The following AHI1 variants were observed in gnomAD, a reference collection of about 807,000 sequenced individuals.
AHI1 encodes the protein Abelson helper integration site 1.
Under a neutral mutation model 149.3 loss-of-function variants are expected in AHI1, and 123 were observed. That is an observed-to-expected ratio of 0.82 (90% CI 0.71 to 0.96). The LOEUF (loss-of-function observed/expected upper bound fraction) is 0.96, where lower values mean the gene tolerates loss of function less well. Among genes scored for constraint, AHI1 ranks in the 40% least tolerant of loss-of-function variants. The pLI is 0.00. For missense variants in AHI1, 1,439 were observed against 1,422.7 expected, an observed-to-expected ratio of 1.01 and a Z score of -0.18; for synonymous variants, 475 against 459.8, an observed-to-expected ratio of 1.03 and a Z score of -0.42.
At chr6:135,376,685 C>T (rs1329810354) in intron 23 of AHI1, among the ~76,000 whole-genome samples, 1 of 151,632 alleles carries the variant, frequency 6.6e-6, no homozygotes, top group East Asian at 1.9e-4. Context: ...AGTTCGAGAC[C>T]AGCCTGACCA....
intron 26 of AHI1, 45 bp downstream of exon 26, chr6:135,318,474 G>GA: frequency 8.3e-7 from 1 of 1,205,854 alleles, no homozygotes; most frequent in Non-Finnish European, 1.2e-6. Context: ...CAGAGAGAGT[G>GA]AAAATCAAAG....
chr6:135,336,014 G>A (rs1789317324), intron 24 of AHI1, among the ~76,000 whole-genome samples: 1 of 150,932 alleles, frequency 6.6e-6, no homozygotes, highest in Admixed American at 6.6e-5. Flanking sequence ...TCAGGAGGCT[G>A]AGGCAGGAGA....
At chr6:135,437,736 AGTGAT>A (rs1785625330) in intron 15 of AHI1, among the ~76,000 whole-genome samples, 1 of 152,226 alleles carries the variant, frequency 6.6e-6, no homozygotes. Flanking sequence ...AATCAAATTA[AGTGAT>A]GTATCTAAAA....
At chr6:135,488,617 G>A (rs545882885) in intron 5 of AHI1, among the ~76,000 whole-genome samples, 114 of 152,236 alleles carry the variant, frequency 7.5e-4, no homozygotes, top group Middle Eastern at 3.4e-3. Flanking sequence ...ATTAACATGA[G>A]ATTTAGAAAT....
intron 15 of AHI1, among the ~76,000 whole-genome samples, 154 bp from the exon 16 acceptor site, chr6:135,433,410 T>C (rs1317621541): frequency 6.6e-6 from 1 of 152,162 alleles, no homozygotes; most frequent in Non-Finnish European, 1.5e-5. Flanking sequence ...AATATAATGA[T>C]GATCTCATAT....
At chr6:135,384,360 C>T (rs987908606) in intron 23 of AHI1, among the ~76,000 whole-genome samples, 17 of 152,178 alleles carry the variant, frequency 1.1e-4, no homozygotes, top group Non-Finnish European at 2.9e-5. Context: ...TAAAACCTTT[C>T]ACTTGTAGTA....
In AHI1 at chr6:135,404,879, A is replaced by G. The variant is rs944204046; in HGVS notation, c.2988+72T>C. ...CTTATAAAGGTTCCAAACTCTATGAATGGTGCATTCCAGTTCTTTGGAGCA... is the reference window on the plus strand; with the variant it reads ...CTTATAAAGGTTCCAAACTCTATGAGTGGTGCATTCCAGTTCTTTGGAGCA... On this transcript the variant is annotated intron_variant, in intron 22 of 28. Transcript: ENST00000265602. 8 of 1,366,646 alleles carry G rather than the reference A, an allele frequency of 5.9e-6. No individual in the cohort carries two copies. In the African/African-American group the frequency reaches 1.1e-4, roughly 20 times the overall value. 84.7% of individuals were successfully genotyped at this position (1,366,646 alleles called of 1,614,324 possible). A position where few individuals can be genotyped will look rare whatever the true frequency, so the allele number is the denominator to read the frequency against.
chr6:135,329,128 G>A (rs2179780), intron 24 of AHI1, among the ~76,000 whole-genome samples: 69,552 of 152,128 alleles, frequency 0.46, 17,464 homozygotes, highest in Middle Eastern at 0.61. Flanking sequence ...TGCAAGTGCT[G>A]AGGTACAAGC....
intron 23 of AHI1, among the ~76,000 whole-genome samples, chr6:135,379,946 C>T (rs1187547566): frequency 8.9e-6 from 1 of 112,606 alleles, no homozygotes; most frequent in Non-Finnish European, 1.9e-5. Flanking sequence ...AACTCCCTCC[C>T]TCCTTCCCCT....
In AHI1 at chr6:135,466,350, A is replaced by C. The variant is rs1198374498; in HGVS notation, c.213T>G (p.Leu71=). The change falls in exon 7 of 29, where the codon CTT becomes CTG. Residue 71 remains leucine, a synonymous_variant. Transcript: ENST00000265602. ...CACTTGTAGTTTCTTTAATATGGGG[A>C]AGATTGCTTCTAATAGTGTCGGGCT... ...SDDPDTIRSN[L]PHIKETTSDD... is the part of the protein sequence containing the mutation. The C allele has an allele frequency of 6.2e-7, 1 of 1,613,766 alleles. No homozygotes were observed. The highest frequency in any genetic ancestry group is 1.3e-5 in the African/African-American group (1 of 75,024).
Position 135,470,796 on chromosome 6 carries a change from G to C in AHI1, c.136-3162C>G, listed in dbSNP as rs566002102. The stretch of plus-strand genomic sequence containing the variant: ...ACACTGGGGCCTGTCAGGGAGTTTG[G>C]GGGAGGGAGAGCATCAGGATAAATA... On this transcript the variant is annotated intron_variant, in intron 5 of 28. Transcript: ENST00000265602. Among the ~76,000 whole-genome samples the C allele has an allele frequency of 3.8e-4, 58 of 152,000 alleles. 1 individual carries two copies. The highest frequency in any genetic ancestry group is 6.6e-4 in the Non-Finnish European group (45 of 67,980).
intron 22 of AHI1, 43 bp downstream of exon 22, chr6:135,404,908 C>A (rs1780535778): frequency 1.3e-6 from 2 of 1,580,248 alleles, no homozygotes; most frequent in African/African-American, 1.3e-5. Flanking sequence ...TGGAGCATCA[C>A]TATACCTTTG....
chr6:135,472,229 ATC>A (rs1791865079), intron 5 of AHI1, among the ~76,000 whole-genome samples: 1 of 152,130 alleles, frequency 6.6e-6, no homozygotes, highest in South Asian at 2.1e-4. Flanking sequence ...TCAACCACTG[ATC>A]TGGTATCACA....
At chr6:135,320,429 A>G (rs1361132788) in intron 25 of AHI1, among the ~76,000 whole-genome samples, 1 of 152,214 alleles carries the variant, frequency 6.6e-6, no homozygotes, top group Non-Finnish European at 1.5e-5. Flanking sequence ...TCATCATGGA[A>G]GAAGAACAAA....
At chr6:135,446,242 C>A (rs952428545) in intron 13 of AHI1, among the ~76,000 whole-genome samples, 3 of 152,048 alleles carry the variant, frequency 2.0e-5, no homozygotes, top group African/African-American at 7.2e-5. Context: ...TATTTGGAGA[C>A]ATGGTCTTTA....
intron 23 of AHI1, among the ~76,000 whole-genome samples, chr6:135,380,974 T>C (rs943970941): frequency 1.3e-5 from 2 of 152,166 alleles, no homozygotes; most frequent in African/African-American, 4.8e-5. Context: ...AGAGAAGTTA[T>C]TTTTAAAAAT....
intron 23 of AHI1, among the ~76,000 whole-genome samples, chr6:135,383,382 C>G (rs769833402): frequency 1.3e-5 from 2 of 151,702 alleles, no homozygotes; most frequent in Non-Finnish European, 2.9e-5. Flanking sequence ...CAGGCATGTG[C>G]CACCACTCCT....
At chr6:135,333,941 A>C (rs1379347373) in intron 24 of AHI1, among the ~76,000 whole-genome samples, 1 of 152,260 alleles carries the variant, frequency 6.6e-6, no homozygotes, top group Non-Finnish European at 1.5e-5. Flanking sequence ...ATAACATCAT[A>C]GCTTTATTGT....
intron 5 of AHI1, among the ~76,000 whole-genome samples, chr6:135,479,775 G>A (rs1362801415): frequency 6.6e-6 from 1 of 152,154 alleles, no homozygotes; most frequent in African/African-American, 2.4e-5. Flanking sequence ...GATATGGTTT[G>A]GCTCTGTGTA....
Sources: allele counts gnomAD v4.1 joint callset (sites outside exome capture counted in the v4.1 genomes callset), GRCh38; gene constraint gnomAD v4.1.1; transcripts MANE v1.5; gene names NCBI Gene and HGNC (gene_info 2026-07-23, HGNC 2026-07-21).